The following TPGS2 variants were observed in gnomAD, a reference collection of about 807,000 sequenced individuals.
TPGS2 encodes tubulin polyglutamylase complex subunit 2, also known as polyglutamylase subunit 2.
In TPGS2, 26 loss-of-function variants were observed where a neutral mutation model predicts 31.1. The observed-to-expected ratio is 0.84, with a 90% CI of 0.61 to 1.16. The LOEUF (loss-of-function observed/expected upper bound fraction) is 1.16, where lower values mean the gene tolerates loss of function less well. Ranked by LOEUF, TPGS2 falls within the 50% of genes most tolerant of loss-of-function variation. The pLI, the probability that TPGS2 is intolerant of heterozygous loss-of-function variation, is 0.00. For synonymous variants in TPGS2, 130 were observed against 136.6 expected (o/e 0.95, Z 0.34); for missense variants, 351 against 363.8 (o/e 0.96, Z 0.29).
chr18:36,795,829 C>G lies in TPGS2; in HGVS notation c.*976G>C, dbSNP rs1016030782. Reference sequence around the variant, plus strand: ...CCAGGCAAAGTGAGGCTGGACAACTCAGAGCTGTGAAGAGGCAGGCAGAGC... The same window carrying G: ...CCAGGCAAAGTGAGGCTGGACAACTGAGAGCTGTGAAGAGGCAGGCAGAGC... On this transcript the variant is annotated 3_prime_UTR_variant, in exon 7 of 7. Coordinates refer to ENST00000334295, the MANE Select transcript of TPGS2 (RefSeq NM_015476.4). The G allele has an allele frequency of 6.1e-6, 6 of 985,348 alleles. No individual in the cohort carries two copies. Among genetic ancestry groups the G allele is most frequent in the Admixed American group, 6.1e-5 (1 of 16,272 alleles). The allele number at this position is 985,348 out of a possible 1,614,324, so 61.0% of individuals were successfully genotyped here. A position where few individuals can be genotyped will look rare whatever the true frequency, so the allele number is the denominator to read the frequency against.
intron 6 of TPGS2, chr18:36,783,258 A>C (rs2044057524): frequency 2.6e-6 from 1 of 382,948 alleles, no homozygotes; most frequent in Middle Eastern, 6.7e-4. Context: ...CTCTATGAGC[A>C]ATTTTTAATT....
At chr18:36,783,854 A>T (rs977437078) in intron 6 of TPGS2, among the ~76,000 whole-genome samples, 2 of 152,210 alleles carry the variant, frequency 1.3e-5, no homozygotes, top group African/African-American at 4.8e-5. Flanking sequence ...TGCAAATGTG[A>T]TTAAATTAAG....
At chr18:36,806,849 TTAAAAAAAAAAAA>T (rs1311664649) in intron 3 of TPGS2, among the ~76,000 whole-genome samples, 39 of 47,610 alleles carry the variant, frequency 8.2e-4, no homozygotes, top group Admixed American at 7.7e-3. Context: ...AGACTCCATC[TTAAAAAAAAAAAA>T]AAAAAAAAAA....
rs980006244 is a variant in TPGS2 at position 36,807,790 on chromosome 18, T to C, written c.253+57A>G. 4 of 1,532,310 alleles carry C rather than the reference T, an allele frequency of 2.6e-6. No homozygotes were observed. In the African/African-American group the frequency reaches 5.5e-5, roughly 21 times the overall value. 94.9% of individuals were successfully genotyped at this position (1,532,310 alleles called of 1,614,324 possible). On this transcript the variant is annotated intron_variant, in intron 3 of 6. Coordinates refer to ENST00000334295, the MANE Select transcript of TPGS2 (RefSeq NM_015476.4). The stretch of plus-strand genomic sequence containing the variant: ...CTCAAAAGTCGAAGGGCCCTCAGAG[T>C]TGTCCCATTCAATCTCTCAGCCAGG...
In TPGS2 at chr18:36,794,395, C is replaced by T; in HGVS notation, c.*2410G>A. On this transcript the variant is annotated 3_prime_UTR_variant, in exon 7 of 7. Transcript: ENST00000334295. ...TTCCTTTGATAGCCTTTTGAGAACTCCCACTTGATTGCCACAGATTTGAGT... is the reference window on the plus strand; with the variant it reads ...TTCCTTTGATAGCCTTTTGAGAACTTCCACTTGATTGCCACAGATTTGAGT... 1.0e-6 allele frequency: 1 copy of T among 985,466 alleles called. No individual in the cohort carries two copies. The allele number at this position is 985,466 out of a possible 1,614,324, so 61.0% of individuals were successfully genotyped here.
At chr18:36,786,721 C>A in intron 6 of TPGS2, 1 of 972,506 alleles carries the variant, frequency 1.0e-6, no homozygotes, top group South Asian at 5.5e-5. Context: ...GTCTGACCTC[C>A]CATCCTGTTA....
At chr18:36,818,348 C>T (rs986727512) in intron 2 of TPGS2, among the ~76,000 whole-genome samples, 4 of 150,754 alleles carry the variant, frequency 2.7e-5, no homozygotes, top group African/African-American at 9.8e-5. Flanking sequence ...GAGGCAAAAA[C>T]AGTGCCTTTT....
intron 1 of TPGS2, among the ~76,000 whole-genome samples, chr18:36,821,827 A>G (rs2045907394): frequency 6.6e-6 from 1 of 152,244 alleles, no homozygotes; most frequent in African/African-American, 2.4e-5. Flanking sequence ...GACTGGCTCA[A>G]TTAACACCTC....
At chr18:36,804,177 C>A (rs751787113) in intron 4 of TPGS2, among the ~76,000 whole-genome samples, 5 of 152,128 alleles carry the variant, frequency 3.3e-5, no homozygotes, top group Admixed American at 6.5e-5. Context: ...ACTGCTGAGT[C>A]CCCTGACAGA....
chr18:36,785,053 C>G (rs2044097182), intron 6 of TPGS2, among the ~76,000 whole-genome samples: 1 of 152,162 alleles, frequency 6.6e-6, no homozygotes, highest in Non-Finnish European at 1.5e-5. Flanking sequence ...AATCTCAGCA[C>G]TTTGGGAGGC....
rs997335776 is a variant in TPGS2, at chr18:36,795,896, C to CTCTT, written c.*905_*908dup. ...TTAACAGTGTCTGGCACCATTAAAA[C>CTCTT]TCTTTCTTTATGAAGAGTTGTGCAA... is the stretch of plus-strand genomic sequence containing the variant. On this transcript the variant is annotated 3_prime_UTR_variant, in exon 7 of 7. Coordinates refer to ENST00000334295, the MANE Select transcript of TPGS2 (RefSeq NM_015476.4). 3.0e-6 allele frequency: 3 copies of CTCTT among 985,340 alleles called. No individual in the cohort carries two copies. In the African/African-American group the frequency reaches 5.2e-5, roughly 17 times the overall value. 61.0% of individuals were successfully genotyped at this position (985,340 alleles called of 1,614,324 possible).
chr18:36,795,455 A>G lies in TPGS2; in HGVS notation c.*1350T>C. 1 of 985,386 alleles carries G rather than the reference A, an allele frequency of 1.0e-6. No individual in the cohort carries two copies. Among genetic ancestry groups the G allele is most frequent in the Non-Finnish European group, 1.2e-6 (1 of 829,938 alleles). 61.0% of individuals were successfully genotyped at this position (985,386 alleles called of 1,614,324 possible). On this transcript the variant is annotated 3_prime_UTR_variant, in exon 7 of 7. Transcript: ENST00000334295. Reference sequence around the variant, plus strand: ...TAACCTCTGGGACTTCAGTACAAAAACTGCAGCCACCCAAAGAACTTGGGG... The same window carrying G: ...TAACCTCTGGGACTTCAGTACAAAAGCTGCAGCCACCCAAAGAACTTGGGG...
In TPGS2 at chr18:36,800,256, C is replaced by G. The variant is rs1230215703; in HGVS notation, c.438G>C (p.Glu146Asp). Residue 146 changes from glutamate (E) to aspartate (D), a missense_variant, in exon 5 of 7, where the codon GAG becomes GAC. Transcript: ENST00000334295. The stretch of plus-strand genomic sequence containing the variant: ...TCCCACTGCCATTGCATGAATCCAG[C>G]TCAAATATCACACTGCGAGAGTCAA... ...PHFDSRSVIF[E>D]LDSCNGSGKV... is the part of the protein sequence containing the mutation. 8.7e-6 allele frequency: 14 copies of G among 1,614,030 alleles called. No individual in the cohort carries two copies. The highest frequency in any genetic ancestry group is 1.2e-5 in the Non-Finnish European group (14 of 1,180,020).
At chr18:36,799,870 G>A (rs1471515887) in intron 5 of TPGS2, among the ~76,000 whole-genome samples, 1 of 138,218 alleles carries the variant, frequency 7.2e-6, no homozygotes, top group East Asian at 1.9e-4. Context: ...AAAAGATAAT[G>A]TGTTTTCTGG....
chr18:36,807,969 G>C (rs1248800700), intron 2 of TPGS2, 35 bp from the exon 3 acceptor site: 1 of 1,609,172 alleles, frequency 6.2e-7, no homozygotes, highest in Admixed American at 1.7e-5. Context: ...TTAGGTAAGG[G>C]CTGGGAAAGA....
At chr18:36,818,863 T>A in intron 2 of TPGS2, 31 bp downstream of exon 2, 2 of 1,582,020 alleles carry the variant, frequency 1.3e-6, no homozygotes, top group Non-Finnish European at 1.7e-6. Context: ...CTCTCTTTGA[T>A]GGGAGGTAGA....
rs561292697 is a variant in TPGS2 at position 36,796,606 on chromosome 18, G to A, written c.*199C>T. 1.5e-6 allele frequency: 2 copies of A among 1,343,606 alleles called. No individual in the cohort carries two copies. The highest frequency in any genetic ancestry group is 6.1e-5 in the East Asian group (2 of 33,004). The allele number at this position is 1,343,606 out of a possible 1,614,324, so 83.2% of individuals were successfully genotyped here. On this transcript the variant is annotated 3_prime_UTR_variant, in exon 7 of 7. Transcript: ENST00000334295. ...TTCCAAATTCCCCATTGCTTCCAGA[G>A]GCAGGGGACAGCACAACCTGCTCTG...
chr18:36,787,692 C>CA, intron 6 of TPGS2, among the ~76,000 whole-genome samples: 1 of 152,216 alleles, frequency 6.6e-6, no homozygotes, highest in Non-Finnish European at 1.5e-5. Flanking sequence ...CACACAGCAG[C>CA]AGGTGGTAAA....
intron 4 of TPGS2, among the ~76,000 whole-genome samples, chr18:36,801,545 G>A (rs1240137758): frequency 6.6e-6 from 1 of 152,040 alleles, no homozygotes; most frequent in Non-Finnish European, 1.5e-5. Context: ...TGTTGCCTAG[G>A]CTGATCTCAA....
Sources: allele counts gnomAD v4.1 joint callset (sites outside exome capture counted in the v4.1 genomes callset), GRCh38; gene constraint gnomAD v4.1.1; transcripts MANE v1.5; gene names NCBI Gene and HGNC (gene_info 2026-07-23, HGNC 2026-07-21).